The following PCDHA5 variants were observed in gnomAD, a reference collection of about 807,000 sequenced individuals.
The protein encoded by PCDHA5 is protocadherin alpha-5.
PCDHA5 carries 43 observed loss-of-function variants against 61.6 expected under a neutral mutation model. That is an observed-to-expected ratio of 0.70 (90% CI 0.55 to 0.90). The LOEUF is 0.90. Among genes scored for constraint, PCDHA5 ranks in the 40% least tolerant of loss-of-function variants. The pLI, the probability that PCDHA5 is intolerant of heterozygous loss-of-function variation, is 0.00. For synonymous variants in PCDHA5, 627 were observed against 543.9 expected (o/e 1.15, Z -2.13); for missense variants, 1,298 against 1,222.7 (o/e 1.06, Z -0.92).
intron 1 of PCDHA5, chr5:140,836,239 G>T: frequency 1.9e-6 from 3 of 1,613,796 alleles, no homozygotes; most frequent in Non-Finnish European, 1.7e-6. Flanking sequence ...GCCGGTGCGA[G>T]CATCCCGTTC....
In PCDHA5 at chr5:140,849,837, G is replaced by A. The variant is rs2150452785; in HGVS notation, c.2352+25710G>A. The A allele has an allele frequency of 9.4e-6, 15 of 1,598,674 alleles. 2 individuals are homozygous for A. The Admixed American group carries it at 2.0e-4, about 22-fold the overall frequency. On this transcript the variant is annotated intron_variant, in intron 1 of 3. Coordinates refer to ENST00000529859, the MANE Select transcript of PCDHA5 (RefSeq NM_018908.3). ...CAGGGTGTCTGTGGAGGTGGCCGAC[G>A]TGAACGACAACGCACCAGCGTTCGC...
intron 1 of PCDHA5, among the ~76,000 whole-genome samples, chr5:140,957,165 A>C (rs2095338056): frequency 6.6e-6 from 1 of 152,190 alleles, no homozygotes; most frequent in African/African-American, 2.4e-5. Context: ...AAATCTAAGT[A>C]TATAAATTGG....
At chr5:140,872,550 C>T (rs1319043831) in intron 1 of PCDHA5, among the ~76,000 whole-genome samples, 1 of 152,046 alleles carries the variant, frequency 6.6e-6, no homozygotes, top group African/African-American at 2.4e-5. Context: ...TCCCCTGAAC[C>T]CAGGGGTTCA....
At position 140,848,667 on chromosome 5, in the gene PCDHA5, G is replaced by C; in HGVS notation, c.2352+24540G>C. 6.3e-7 allele frequency: 1 copy of C among 1,592,344 alleles called. No homozygotes were observed. On this transcript the variant is annotated intron_variant, in intron 1 of 3. Transcript: ENST00000529859. ...GCAGGACCTGGGGCTGGAGCTGGCG[G>C]AGCTGGTGCCGCGCCTGTTCCAGTT...
rs1554129478 is a variant in PCDHA5 at position 140,823,609 on chromosome 5, C to G, written c.1834C>G (p.Pro612Ala). Residue 612 changes from proline (P) to alanine (A), a missense_variant, in exon 1 of 4, where the codon CCA (proline) becomes GCA (alanine). By Grantham distance (27) the Pro-to-Ala change is conservative (BLOSUM62 -1). Coordinates refer to ENST00000529859, the MANE Select transcript of PCDHA5 (RefSeq NM_018908.3). ...YNAWLSYELQ[P>A]APGSARIPFR... ...CGCTTGGCTTTCGTATGAGCTGCAG[C>G]CAGCGCCTGGCAGTGCGCGCATCCC... 1 of 1,614,036 alleles carries G rather than the reference C, an allele frequency of 6.2e-7. No individual in the cohort carries two copies. The highest frequency in any genetic ancestry group is 8.5e-7 in the Non-Finnish European group (1 of 1,179,948).
chr5:140,846,687 T>C (rs1554141460), intron 1 of PCDHA5, among the ~76,000 whole-genome samples: 1 of 149,376 alleles, frequency 6.7e-6, no homozygotes, highest in East Asian at 1.9e-4. Context: ...AATGCTTTCT[T>C]AGCAAGTAGA....
intron 1 of PCDHA5, among the ~76,000 whole-genome samples, chr5:140,959,554 A>G (rs1375729843): frequency 6.6e-6 from 1 of 152,210 alleles, no homozygotes; most frequent in Non-Finnish European, 1.5e-5. Context: ...TATAAATAGA[A>G]TCAGTACTAG....
At position 140,923,025 on chromosome 5, in the gene PCDHA5, C is replaced by G. The variant is rs547252764; in HGVS notation, c.2353-55924C>G. ...GGTTGTTGGACTGCAGTTTCGGACTCTATTACTACATGTATAGTATTTAGA... is the reference window on the plus strand; with the variant it reads ...GGTTGTTGGACTGCAGTTTCGGACTGTATTACTACATGTATAGTATTTAGA... On this transcript the variant is annotated intron_variant, in intron 1 of 3. Coordinates refer to ENST00000529859, the MANE Select transcript of PCDHA5 (RefSeq NM_018908.3). 2.6e-5 allele frequency among the ~76,000 whole-genome samples: 4 copies of G among 152,296 alleles called. No homozygotes were observed. The East Asian group carries it at 7.7e-4, about 29-fold the overall frequency.
At position 140,927,719 on chromosome 5, in the gene PCDHA5, C is replaced by A. The variant is rs144571902; in HGVS notation, c.2353-51230C>A. Reference sequence around the variant, plus strand: ...GTCCAGTACTCCCTAAGCAACAGCACGCAAGCAGAGCTGCGACACCGCTTT... The same window carrying A: ...GTCCAGTACTCCCTAAGCAACAGCAAGCAAGCAGAGCTGCGACACCGCTTT... On this transcript the variant is annotated intron_variant, in intron 1 of 3. Transcript: ENST00000529859. The A allele has an allele frequency of 2.2e-4, 352 of 1,614,178 alleles. No individual in the cohort carries two copies. In the Middle Eastern group the frequency reaches 2.3e-3, roughly 11 times the overall value.
intron 1 of PCDHA5, chr5:140,842,985 T>G (rs1322607138): frequency 1.3e-6 from 2 of 1,594,870 alleles, no homozygotes; most frequent in Non-Finnish European, 1.7e-6. Flanking sequence ...CAGGTGTTCG[T>G]GCTGGACGAG....
At chr5:140,840,247 T>C (rs1554137745) in intron 1 of PCDHA5, among the ~76,000 whole-genome samples, 1 of 152,032 alleles carries the variant, frequency 6.6e-6, no homozygotes, top group African/African-American at 2.4e-5. Context: ...CACTATGCTA[T>C]AAAAATTGTG....
chr5:140,857,108 C>G (rs1562518295), intron 1 of PCDHA5: 2 of 1,597,858 alleles, frequency 1.3e-6, no homozygotes, highest in Non-Finnish European at 1.7e-6. Flanking sequence ...TGTCACTTCT[C>G]TGTCTCTCCC....
chr5:140,869,302 G>A, intron 1 of PCDHA5: 5 of 1,613,642 alleles, frequency 3.1e-6, no homozygotes, highest in Non-Finnish European at 4.2e-6. Flanking sequence ...GTTCCGGGTG[G>A]CGTCCAAAAC....
rs368166956 is a variant in PCDHA5, at chr5:140,870,187, G to T, written c.2352+46060G>T. On this transcript the variant is annotated intron_variant, in intron 1 of 3. Coordinates refer to ENST00000529859, the MANE Select transcript of PCDHA5 (RefSeq NM_018908.3). Reference sequence around the variant, plus strand: ...CTTGTCCCTCCCAGTACGAGAGGACGCTCAGCCCAGCACGGTCATTGCCCT... The same window carrying T: ...CTTGTCCCTCCCAGTACGAGAGGACTCTCAGCCCAGCACGGTCATTGCCCT... 55 of 1,614,092 alleles carry T rather than the reference G, an allele frequency of 3.4e-5. No individual in the cohort carries two copies. The African/African-American group carries it at 6.5e-4, about 19-fold the overall frequency.
In PCDHA5 at chr5:140,870,728, C is replaced by A. The variant is rs531202250; in HGVS notation, c.2352+46601C>A. On this transcript the variant is annotated intron_variant, in intron 1 of 3. Coordinates refer to ENST00000529859, the MANE Select transcript of PCDHA5 (RefSeq NM_018908.3). ...GTGAGCGCGCGCGATGCGGGCGTGCCGCCTCTGAGCAGCAACGTGACGCTG... is the reference window on the plus strand; with the variant it reads ...GTGAGCGCGCGCGATGCGGGCGTGCAGCCTCTGAGCAGCAACGTGACGCTG... The A allele has an allele frequency of 5.8e-5, 93 of 1,613,338 alleles. No individual in the cohort carries two copies. Among genetic ancestry groups the A allele is most frequent in the East Asian group, 1.1e-4 (5 of 44,876 alleles).
intron 1 of PCDHA5, chr5:140,882,591 T>C (rs781883775): frequency 1.2e-6 from 2 of 1,614,116 alleles, no homozygotes; most frequent in South Asian, 2.2e-5. Flanking sequence ...CACCTGGAGG[T>C]GATCGTGGAC....
intron 1 of PCDHA5, among the ~76,000 whole-genome samples, chr5:140,955,431 AG>A (rs1273972601): frequency 1.3e-5 from 2 of 152,194 alleles, no homozygotes; most frequent in East Asian, 3.9e-4. Flanking sequence ...AGTTCTCATT[AG>A]GTCTGATGGT....
At chr5:140,834,589 A>C (rs782018607) in intron 1 of PCDHA5, 8 of 1,614,090 alleles carry the variant, frequency 5.0e-6, no homozygotes, top group Non-Finnish European at 6.8e-6. Context: ...GCGGTGTGCA[A>C]ATTCCGTGGG....
chr5:140,890,350 T>C (rs1199144948), intron 1 of PCDHA5, among the ~76,000 whole-genome samples: 1 of 152,186 alleles, frequency 6.6e-6, no homozygotes, highest in Non-Finnish European at 1.5e-5. Flanking sequence ...GTTTACTATA[T>C]AGCAATGGAT....
Sources: allele counts gnomAD v4.1 joint callset (sites outside exome capture counted in the v4.1 genomes callset), GRCh38; gene constraint gnomAD v4.1.1; transcripts MANE v1.5; gene names NCBI Gene and HGNC (gene_info 2026-07-23, HGNC 2026-07-21).